The following CFAP99 variants were observed in gnomAD, a reference collection of about 807,000 sequenced individuals.
CFAP99 encodes the protein cilia and flagella associated protein 99.
Under a neutral mutation model 82.7 loss-of-function variants are expected in CFAP99, and 84 were observed. The ratio of observed to expected loss-of-function variants is 1.02; its 90% CI spans 0.85 to 1.22. The LOEUF is 1.22. CFAP99 is among the 50% of genes most tolerant of loss of function. The pLI is 0.00. For synonymous variants in CFAP99, 456 were observed against 429.5 expected, an observed-to-expected ratio of 1.06 and a Z score of -0.76; for missense variants, 1,059 against 983.5, an observed-to-expected ratio of 1.08 and a Z score of -1.03.
chr4:2,460,657 G>A (rs1388001680), intron 14 of CFAP99, among the ~76,000 whole-genome samples: 1 of 152,208 alleles, frequency 6.6e-6, no homozygotes, highest in East Asian at 1.9e-4. Flanking sequence ...GACACCAATA[G>A]AAAATGGAAC....
At chr4:2,432,758 GACCAAGGCCCAAGATTTTATC>G (rs1733823708) in intron 2 of CFAP99, among the ~76,000 whole-genome samples, 1 of 152,198 alleles carries the variant, frequency 6.6e-6, no homozygotes, top group South Asian at 2.1e-4. Context: ...CCCTGAGCTT[GACCAAGGCCCAAGATTTTATC>G]ACAAACTCAG....
chr4:2,422,138 T>C (rs1218581729), intron 1 of CFAP99, among the ~76,000 whole-genome samples: 2 of 152,210 alleles, frequency 1.3e-5, no homozygotes, highest in African/African-American at 4.8e-5. Context: ...TTAGTACCTA[T>C]TTCCTCCCCA....
intron 2 of CFAP99, among the ~76,000 whole-genome samples, chr4:2,436,210 C>T (rs773888158): frequency 1.3e-5 from 2 of 152,016 alleles, no homozygotes; most frequent in Non-Finnish European, 2.9e-5. Context: ...GGTCCCACTC[C>T]ATTGCCCCAC....
intron 2 of CFAP99, among the ~76,000 whole-genome samples, chr4:2,434,970 G>C (rs1733878650): frequency 6.6e-6 from 1 of 152,208 alleles, no homozygotes; most frequent in South Asian, 2.1e-4. Flanking sequence ...GAATGCTTCA[G>C]GTTAGCTGGT....
At chr4:2,458,915 G>C (rs138035964) in intron 12 of CFAP99, 51 bp downstream of exon 12, 36 of 1,501,914 alleles carry the variant, frequency 2.4e-5, no homozygotes, top group Middle Eastern at 4.0e-4. Context: ...CCCCACTCGG[G>C]TGCTGGGCTG....
rs145357095 is a variant in CFAP99, at chr4:2,448,020, A to AATGGATGGATGGATGGATGG, written c.643-1646_643-1627dup. Among the ~76,000 whole-genome samples, 2 of 141,902 alleles carry AATGGATGGATGGATGGATGG rather than the reference A, an allele frequency of 1.4e-5. No homozygotes were observed. Among genetic ancestry groups the AATGGATGGATGGATGGATGG allele is most frequent in the South Asian group, 4.7e-4 (2 of 4,298 alleles). The allele number at this position is 141,902 out of a possible 152,430, so 93.1% of individuals were successfully genotyped here. ...AAGTAGATGGATGGATAAGTGGATG[A>AATGGATGGATGGATGGATGG]ATGGATGGATGGATGGATGGATGAT... On this transcript the variant is annotated intron_variant, in intron 6 of 14. Transcript: ENST00000635017. This position sits in a 1 kb window ranked among gnomAD's most constrained non-coding sequence, Gnocchi z 5.2.
intron 10 of CFAP99, among the ~76,000 whole-genome samples, 152 bp from the exon 11 acceptor site, chr4:2,451,990 G>A (rs187563920): frequency 7.4e-4 from 112 of 152,206 alleles, no homozygotes; most frequent in African/African-American, 2.5e-3. Flanking sequence ...ACAGTGGGTC[G>A]GGGATAGGAG....
intron 11 of CFAP99, among the ~76,000 whole-genome samples, chr4:2,457,534 CG>C (rs1734466083): frequency 6.6e-6 from 1 of 152,186 alleles, no homozygotes; most frequent in Non-Finnish European, 1.5e-5. Flanking sequence ...CCCTGAGTGA[CG>C]GCAGGCAGGA....
chr4:2,450,084 G>C (rs200928321), intron 8 of CFAP99, 79 bp downstream of exon 8: 1 of 1,371,190 alleles, frequency 7.3e-7, no homozygotes, highest in Middle Eastern at 1.8e-4. Flanking sequence ...CAACGCCATC[G>C]CAGTGACCAC....
chr4:2,460,491 A>G (rs1480818088), intron 14 of CFAP99, among the ~76,000 whole-genome samples: 1 of 152,240 alleles, frequency 6.6e-6, no homozygotes, highest in East Asian at 1.9e-4. Context: ...CACCCAGCTC[A>G]TGGGTCCAAC....
At chr4:2,459,977 G>T in intron 13 of CFAP99, 60 bp from the exon 14 acceptor site, 1 of 1,469,990 alleles carries the variant, frequency 6.8e-7, no homozygotes, top group South Asian at 1.2e-5. Flanking sequence ...AGGGATCCTG[G>T]TGGGAAGCAT....
At chr4:2,436,826 T>C (rs1322372001) in intron 2 of CFAP99, 48 bp from the exon 3 acceptor site, 2 of 1,279,172 alleles carry the variant, frequency 1.6e-6, no homozygotes, top group East Asian at 3.8e-5. Context: ...ACCGCCGCCC[T>C]TTCCTCCCGG....
intron 1 of CFAP99, 38 bp from the exon 2 acceptor site, chr4:2,426,421 C>A: frequency 7.6e-7 from 1 of 1,309,288 alleles, no homozygotes; most frequent in South Asian, 1.3e-5. Context: ...GGCTACATCC[C>A]AGGTGTGGAG....
intron 2 of CFAP99, among the ~76,000 whole-genome samples, chr4:2,433,160 T>A (rs1028210842): frequency 6.6e-6 from 1 of 152,034 alleles, no homozygotes; most frequent in Non-Finnish European, 1.5e-5. Flanking sequence ...CGGCCCAGAG[T>A]GGCCCTGCCC....
intron 14 of CFAP99, among the ~76,000 whole-genome samples, chr4:2,460,755 TG>T (rs1734603842): frequency 6.6e-6 from 1 of 152,194 alleles, no homozygotes; most frequent in African/African-American, 2.4e-5. Flanking sequence ...TTTTTGTTTT[TG>T]TTTTTGTTTT....
intron 13 of CFAP99, among the ~76,000 whole-genome samples, chr4:2,459,823 G>A (rs1482104104): frequency 1.3e-5 from 2 of 152,248 alleles, no homozygotes; most frequent in Non-Finnish European, 1.5e-5. Context: ...CAGTGGAGGG[G>A]CCTCAGTCCA....
chr4:2,459,130 A>C (rs893970954), exon 13 of CFAP99: 13 of 1,531,200 alleles, frequency 8.5e-6, no homozygotes, highest in Admixed American at 4.0e-5. Flanking sequence ...CGAGGAGAGC[A>C]GGGGGCTGCT....
rs1734213766 is a variant in CFAP99, at chr4:2,448,074, T to G, written c.643-1596T>G. ...AGGGATGGATAGATGGATAGACAAA[T>G]GGATGGATGGGTGGGTGAGTGGGTG... On this transcript the variant is annotated intron_variant, in intron 6 of 14. Transcript: ENST00000635017. The surrounding 1 kb of genome is among the most constrained non-coding windows in gnomAD (Gnocchi z 5.2). Among the ~76,000 whole-genome samples the G allele has an allele frequency of 6.6e-6, 1 of 151,830 alleles. No homozygotes were observed. The highest frequency in any genetic ancestry group is 2.1e-4 in the South Asian group (1 of 4,800).
rs929555028 is a variant in CFAP99 at position 2,426,484 on chromosome 4, C to G, written c.9C>G (p.Tyr3Ter). The change falls in exon 2 of 15, where the codon TAC (tyrosine) becomes TAG (stop). Residue 3 changes from tyrosine to a stop codon, truncating the protein, a stop_gained. Coordinates refer to ENST00000635017, the Ensembl canonical transcript of CFAP99. LOFTEE classifies it high-confidence loss of function. Reference sequence around the variant, plus strand: ...GCTTCTGCCCTAAGAAGATGGCCTACTATGGAAAATGCATTGAAACTGTGA... The same window carrying G: ...GCTTCTGCCCTAAGAAGATGGCCTAGTATGGAAAATGCATTGAAACTGTGA... 50 of 1,535,638 alleles carry G rather than the reference C, an allele frequency of 3.3e-5. No homozygotes were observed. The African/African-American group carries it at 6.2e-4, about 19-fold the overall frequency.
Sources: gnomAD v4.1 joint callset for allele counts (sites outside exome capture counted in the v4.1 genomes callset) on GRCh38, gnomAD v4.1.1 for gene constraint, Gnocchi (gnomAD v3.1) non-coding constraint, MANE v1.5 for transcripts, NCBI Gene and HGNC (gene_info 2026-07-23, HGNC 2026-07-21) for gene names.